Variants in STXBP5L observed in about 807,000 individuals in gnomAD.
STXBP5L encodes syntaxin binding protein 5L.
In STXBP5L, 65 loss-of-function variants were observed where a neutral mutation model predicts 144.5. That is an observed-to-expected ratio of 0.45 (90% CI 0.37 to 0.55). The LOEUF is 0.55. Ranked by LOEUF, STXBP5L falls within the 20% of genes least tolerant of loss-of-function variation. The pLI, the probability that STXBP5L is intolerant of heterozygous loss-of-function variation, is 0.00. For missense variants in STXBP5L, 1,298 were observed against 1,405.5 expected, an observed-to-expected ratio of 0.92 and a Z score of 1.22; for synonymous variants, 505 against 469.6, an observed-to-expected ratio of 1.08 and a Z score of -0.97.
intron 5 of STXBP5L, among the ~76,000 whole-genome samples, chr3:121,099,998 TAAAG>T (rs2043329802): frequency 6.6e-6 from 1 of 152,102 alleles, no homozygotes; most frequent in South Asian, 2.1e-4. Flanking sequence ...TATAAAAGGA[TAAAG>T]AAGGACATTA....
chr3:121,044,279 T>C (rs1947358326), intron 4 of STXBP5L, among the ~76,000 whole-genome samples: 1 of 152,142 alleles, frequency 6.6e-6, no homozygotes, highest in Non-Finnish European at 1.5e-5. Context: ...TCTCTGAGAC[T>C]AAAATCACAG....
At chr3:121,346,767 T>A (rs1404949497) in intron 20 of STXBP5L, among the ~76,000 whole-genome samples, 14 of 152,234 alleles carry the variant, frequency 9.2e-5, no homozygotes, top group Non-Finnish European at 1.6e-4. Context: ...GAAGTGTCTG[T>A]TCATATCCTT....
chr3:121,397,541 T>C (rs1030396865), intron 22 of STXBP5L, among the ~76,000 whole-genome samples: 5 of 152,216 alleles, frequency 3.3e-5, no homozygotes, highest in African/African-American at 1.2e-4. Flanking sequence ...CGCTTAACAA[T>C]GGCCGCCATC....
rs188668090 is a variant in STXBP5L at position 121,098,466 on chromosome 3, T to C, written c.471-16459T>C. Among the ~76,000 whole-genome samples the C allele has an allele frequency of 5.9e-5, 9 of 152,298 alleles. No individual in the cohort carries two copies. In the East Asian group the frequency reaches 1.7e-3, roughly 29 times the overall value. ...ACAGTACCATGCCATGGTGGTGCTGTCCTCATGATAATGAGTGAGTTCTGA... is the reference window on the plus strand; with the variant it reads ...ACAGTACCATGCCATGGTGGTGCTGCCCTCATGATAATGAGTGAGTTCTGA... On this transcript the variant is annotated intron_variant, in intron 5 of 26. Coordinates refer to ENST00000471454, the MANE Select transcript of STXBP5L (RefSeq NM_001308330.2).
At chr3:120,945,913 C>CT (rs1468687997) in intron 2 of STXBP5L, among the ~76,000 whole-genome samples, 2 of 151,780 alleles carry the variant, frequency 1.3e-5, no homozygotes, top group Non-Finnish European at 2.9e-5. Flanking sequence ...ACCCTTCATG[C>CT]TTTTCGCTTT....
chr3:121,190,920 G>A (rs988069444), intron 9 of STXBP5L, among the ~76,000 whole-genome samples: 2 of 151,916 alleles, frequency 1.3e-5, no homozygotes, highest in Non-Finnish European at 2.9e-5. Context: ...GCCGGGCAGA[G>A]GAGCTCTTCA....
intron 5 of STXBP5L, among the ~76,000 whole-genome samples, chr3:121,064,541 A>G (rs985377990): frequency 3.9e-5 from 6 of 152,210 alleles, no homozygotes; most frequent in Admixed American, 3.3e-4. Context: ...GAGAACTGAC[A>G]TGACTGTGGG....
chr3:121,002,810 G>GT (rs1489407911), intron 3 of STXBP5L, among the ~76,000 whole-genome samples: 4 of 151,452 alleles, frequency 2.6e-5, no homozygotes, highest in Non-Finnish European at 4.4e-5. Context: ...GCGGTGTTTG[G>GT]TTTTTTGTCC....
intron 5 of STXBP5L, among the ~76,000 whole-genome samples, chr3:121,060,806 A>C (rs2041235383): frequency 6.6e-6 from 1 of 152,108 alleles, no homozygotes; most frequent in Non-Finnish European, 1.5e-5. Context: ...TTTCTGTGGG[A>C]TCAATGGTGA....
intron 5 of STXBP5L, among the ~76,000 whole-genome samples, chr3:121,066,974 C>T (rs2041578786): frequency 6.6e-6 from 1 of 152,022 alleles, no homozygotes; most frequent in South Asian, 2.1e-4. Flanking sequence ...TCCTATTCAT[C>T]TAATTTTTCA....
intron 18 of STXBP5L, among the ~76,000 whole-genome samples, chr3:121,269,692 G>A (rs962755400): frequency 6.6e-6 from 1 of 152,136 alleles, no homozygotes; most frequent in Non-Finnish European, 1.5e-5. Flanking sequence ...TGGAACATAA[G>A]CAAATATTCT....
intron 11 of STXBP5L, among the ~76,000 whole-genome samples, chr3:121,228,951 G>GTA (rs2049213423): frequency 6.6e-6 from 1 of 152,166 alleles, no homozygotes; most frequent in Admixed American, 6.6e-5. Context: ...TTTAAACTTT[G>GTA]TATCAGTGTA....
intron 3 of STXBP5L, among the ~76,000 whole-genome samples, chr3:120,987,585 C>G (rs1182948753): frequency 2.0e-5 from 3 of 151,708 alleles, no homozygotes; most frequent in Non-Finnish European, 3.0e-5. Flanking sequence ...ACCCTCTTAA[C>G]TTGACAGGGT....
At chr3:121,091,524 G>A (rs1363909742) in intron 5 of STXBP5L, among the ~76,000 whole-genome samples, 1 of 152,120 alleles carries the variant, frequency 6.6e-6, no homozygotes, top group East Asian at 1.9e-4. Flanking sequence ...TTTCTCTGAT[G>A]GCCAGTGATG....
At chr3:121,144,766 G>C (rs542257695) in intron 7 of STXBP5L, among the ~76,000 whole-genome samples, 4 of 151,912 alleles carry the variant, frequency 2.6e-5, no homozygotes, top group Non-Finnish European at 5.9e-5. Flanking sequence ...GGGTGGAAGA[G>C]TATCCCTTCG....
rs76064128 is a variant in STXBP5L, at chr3:121,400,700, G to C, written c.2588-6543G>C. ...CTGCAAGAGATATCCCCATACCTAA[G>C]AATGTGCTCCCTCAGGTCTGGTCTG... On this transcript the variant is annotated intron_variant, in intron 22 of 26. Coordinates refer to ENST00000471454, the MANE Select transcript of STXBP5L (RefSeq NM_001308330.2). Among the ~76,000 whole-genome samples the C allele has an allele frequency of 2.4e-3, 360 of 152,264 alleles. 2 individuals are homozygous for C. The highest frequency in any genetic ancestry group is 8.1e-3 in the African/African-American group (338 of 41,542).
chr3:120,956,561 G>A (rs1419755400), intron 3 of STXBP5L, among the ~76,000 whole-genome samples: 2 of 151,654 alleles, frequency 1.3e-5, no homozygotes, highest in African/African-American at 4.8e-5. Flanking sequence ...ATCACATTTT[G>A]ATATCTGTTC....
intron 20 of STXBP5L, among the ~76,000 whole-genome samples, chr3:121,355,328 C>G (rs1247116847): frequency 2.6e-5 from 4 of 152,184 alleles, no homozygotes; most frequent in Non-Finnish European, 1.5e-5. Context: ...GTACACCAAT[C>G]AAACTAGATT....
At chr3:121,306,093 T>G (rs998169858) in intron 19 of STXBP5L, among the ~76,000 whole-genome samples, 11 of 152,194 alleles carry the variant, frequency 7.2e-5, no homozygotes, top group Admixed American at 2.6e-4. Context: ...GCATAATTTA[T>G]GAAAGCTATT....
Sources: gnomAD v4.1 joint callset for allele counts (sites outside exome capture counted in the v4.1 genomes callset) on GRCh38, gnomAD v4.1.1 for gene constraint, MANE v1.5 for transcripts, NCBI Gene and HGNC (gene_info 2026-07-23, HGNC 2026-07-21) for gene names.